Variants in IQCM observed in about 807,000 individuals in gnomAD.
IQCM encodes the protein IQ motif containing M.
In IQCM, 45 loss-of-function variants were observed where a neutral mutation model predicts 57.6. That is an observed-to-expected ratio of 0.78 (90% confidence interval 0.62 to 1.00). The LOEUF is 1.00. Ranked by LOEUF, IQCM falls within the 50% of genes least tolerant of loss-of-function variation. The pLI, the probability that IQCM is intolerant of heterozygous loss-of-function variation, is 0.00. For synonymous variants in IQCM, 148 were observed against 158.9 expected (o/e 0.93, Z 0.51); for missense variants, 468 against 511.6 (o/e 0.91, Z 0.82).
intron 12 of IQCM, among the ~76,000 whole-genome samples, chr4:149,447,039 T>C (rs1736589901): frequency 6.6e-6 from 1 of 151,498 alleles, no homozygotes; most frequent in South Asian, 2.1e-4. Context: ...GATGGCCTAC[T>C]GGAATATGAG....
intron 7 of IQCM, among the ~76,000 whole-genome samples, chr4:149,624,515 T>C (rs1352323277): frequency 6.6e-6 from 1 of 152,132 alleles, no homozygotes; most frequent in African/African-American, 2.4e-5. Context: ...TTTATAAGCT[T>C]AAATTATACA....
chr4:149,505,917 G>A (rs1198172067), intron 12 of IQCM, among the ~76,000 whole-genome samples: 9 of 152,196 alleles, frequency 5.9e-5, no homozygotes, highest in Admixed American at 5.2e-4. Flanking sequence ...AGAAGATGAT[G>A]AGTAGTAAAT....
chr4:149,613,609 T>G (rs1755502199), intron 8 of IQCM, among the ~76,000 whole-genome samples: 1 of 152,136 alleles, frequency 6.6e-6, no homozygotes, highest in South Asian at 2.1e-4. Flanking sequence ...AGGGTACATG[T>G]GCACAATGTG....
rs533702626 is a variant in IQCM, at chr4:149,754,592, G to C, written c.-48-11853C>G. On this transcript the variant is annotated intron_variant, in intron 2 of 13. Coordinates refer to ENST00000636793, the MANE Select transcript of IQCM (RefSeq NM_001363507.2). Reference sequence around the variant, plus strand: ...ACAGCATTTTATGTATTTTATCACTGTCTCCTTCTTGAAATATTTTCTTCA... The same window carrying C: ...ACAGCATTTTATGTATTTTATCACTCTCTCCTTCTTGAAATATTTTCTTCA... 3.3e-5 allele frequency among the ~76,000 whole-genome samples: 5 copies of C among 152,194 alleles called. No individual in the cohort carries two copies. The East Asian group carries it at 5.8e-4, about 18-fold the overall frequency.
At chr4:149,769,151 ATTAAATATTCATGCACGCCAGGT>A in intron 2 of IQCM, among the ~76,000 whole-genome samples, 1 of 152,092 alleles carries the variant, frequency 6.6e-6, no homozygotes, top group Non-Finnish European at 1.5e-5. Context: ...ATTCTATCTC[ATTAAATATTCATGCACGCCAGGT>A]TTTCATACTT....
chr4:149,494,056 GT>G lies in IQCM; in HGVS notation c.1228+54398del, dbSNP rs1258326752. 5.3e-5 allele frequency among the ~76,000 whole-genome samples: 8 copies of G among 150,808 alleles called. No homozygotes were observed. The East Asian group carries it at 7.8e-4, about 15-fold the overall frequency. On this transcript the variant is annotated intron_variant, in intron 12 of 13. Transcript: ENST00000636793. ...AGTCTTTTCTTTTTTTTTTTTAAGG[GT>G]TTTTTTGCACTTTCCACTTCACAAT...
intron 13 of IQCM, among the ~76,000 whole-genome samples, chr4:149,359,393 AT>A (rs1281517152): frequency 1.3e-5 from 2 of 152,136 alleles, no homozygotes; most frequent in Non-Finnish European, 2.9e-5. Flanking sequence ...TTAGCCTTAT[AT>A]TTTTTGCTTA....
At chr4:149,380,985 C>A (rs1731039618) in intron 13 of IQCM, among the ~76,000 whole-genome samples, 2 of 152,142 alleles carry the variant, frequency 1.3e-5, no homozygotes, top group African/African-American at 4.8e-5. Flanking sequence ...GTGTAACAGT[C>A]ATTTCAAAAT....
chr4:149,811,669 T>C (rs1314416150), intron 2 of IQCM, among the ~76,000 whole-genome samples: 1 of 152,166 alleles, frequency 6.6e-6, no homozygotes, highest in Non-Finnish European at 1.5e-5. Flanking sequence ...ATGACAATAG[T>C]GAACCCACTT....
At position 149,507,383 on chromosome 4, in the gene IQCM, T is replaced by C. The variant is rs547411594; in HGVS notation, c.1228+41072A>G. 2.8e-4 allele frequency among the ~76,000 whole-genome samples: 43 copies of C among 152,268 alleles called. 1 individual carries two copies. Among genetic ancestry groups the C allele is most frequent in the African/African-American group, 9.6e-4 (40 of 41,570 alleles). On this transcript the variant is annotated intron_variant, in intron 12 of 13. Coordinates refer to ENST00000636793, the MANE Select transcript of IQCM (RefSeq NM_001363507.2). ...GGGAAATGTAAGAAAGTTTGGAACT[T>C]TGGAGACTTTTTGAATGGCTTTGCC... is the stretch of plus-strand genomic sequence containing the variant.
chr4:149,509,085 T>G (rs1579304904), intron 12 of IQCM, among the ~76,000 whole-genome samples: 1 of 152,322 alleles, frequency 6.6e-6, no homozygotes, highest in East Asian at 1.9e-4. Context: ...CTCTTTCTTT[T>G]GTAAATTGCC....
chr4:149,490,360 A>T (rs979495163), intron 12 of IQCM, among the ~76,000 whole-genome samples: 2 of 152,040 alleles, frequency 1.3e-5, no homozygotes, highest in Non-Finnish European at 2.9e-5. Context: ...TCTCAATGGG[A>T]TATGCTTAAA....
chr4:149,586,071 G>A (rs72726140), intron 9 of IQCM, among the ~76,000 whole-genome samples: 4,267 of 151,594 alleles, frequency 0.028, 97 homozygotes, highest in Middle Eastern at 0.078. Context: ...TGAAATGGCT[G>A]GAGTAATTTT....
chr4:149,485,321 C>T (rs1395142357), intron 12 of IQCM, among the ~76,000 whole-genome samples: 2 of 151,978 alleles, frequency 1.3e-5, no homozygotes, highest in Admixed American at 1.3e-4. Flanking sequence ...TCCCCTACCT[C>T]TCTTTAAAGC....
chr4:149,588,056 A>T (rs1752799629), intron 8 of IQCM, 59 bp from the exon 9 acceptor site: 3 of 698,572 alleles, frequency 4.3e-6, no homozygotes, highest in Non-Finnish European at 6.0e-6. Context: ...CACCTATAAA[A>T]TTTTAATTCC....
chr4:149,609,217 C>A (rs1242015292), intron 8 of IQCM, among the ~76,000 whole-genome samples: 2 of 151,640 alleles, frequency 1.3e-5, no homozygotes, highest in African/African-American at 4.8e-5. Flanking sequence ...GAATAGACCA[C>A]AACTAGTATT....
chr4:149,550,661 C>G (rs953701068), intron 11 of IQCM, among the ~76,000 whole-genome samples: 1 of 152,074 alleles, frequency 6.6e-6, no homozygotes, highest in Non-Finnish European at 1.5e-5. Context: ...AAACTTAAAT[C>G]ATGAAAATTA....
intron 11 of IQCM, 114 bp downstream of exon 11, chr4:149,553,029 C>T (rs1579463911): frequency 5.6e-6 from 4 of 712,104 alleles, no homozygotes; most frequent in East Asian, 3.4e-5. Flanking sequence ...AAATTGCTTA[C>T]AGCAATATAA....
intron 12 of IQCM, among the ~76,000 whole-genome samples, chr4:149,477,640 G>C (rs1394632275): frequency 6.6e-6 from 1 of 152,152 alleles, no homozygotes; most frequent in Non-Finnish European, 1.5e-5. Flanking sequence ...ATGTGTAATG[G>C]CAAGGATGAA....
Sources: allele counts gnomAD v4.1 joint callset (sites outside exome capture counted in the v4.1 genomes callset), GRCh38; gene constraint gnomAD v4.1.1; transcripts MANE v1.5; gene names NCBI Gene and HGNC (gene_info 2026-07-23, HGNC 2026-07-21).